TFAP2B: variants seen among roughly 807,000 people sequenced by gnomAD.
The protein encoded by TFAP2B is transcription factor AP-2-beta.
TFAP2B carries 9 observed loss-of-function variants against 44.3 expected under a neutral mutation model. That is an observed-to-expected ratio of 0.20 (90% CI 0.12 to 0.35). TFAP2B has a LOEUF of 0.35. Ranked by LOEUF, TFAP2B falls within the 10% of genes least tolerant of loss-of-function variation. The pLI is 1.00. For synonymous variants in TFAP2B, 270 were observed against 263.8 expected, an observed-to-expected ratio of 1.02 and a Z score of -0.23; for missense variants, 509 against 600.0, an observed-to-expected ratio of 0.85 and a Z score of 1.59.
chr6:50,835,025 G>C (rs1206526581), intron 3 of TFAP2B, among the ~76,000 whole-genome samples: 4 of 152,214 alleles, frequency 2.6e-5, no homozygotes, highest in African/African-American at 9.6e-5. Flanking sequence ...CAGCCTTCTG[G>C]TTCCACTGAG....
chr6:50,832,291 A>G (rs1224988862), intron 3 of TFAP2B, among the ~76,000 whole-genome samples: 1 of 152,164 alleles, frequency 6.6e-6, no homozygotes, highest in Non-Finnish European at 1.5e-5. Context: ...GAGACAATAA[A>G]TGACTTTCTC....
chr6:50,838,971 T>C (rs1023199926), intron 5 of TFAP2B, among the ~76,000 whole-genome samples: 4 of 152,192 alleles, frequency 2.6e-5, no homozygotes, highest in African/African-American at 9.7e-5. Context: ...GATGGAATAT[T>C]AAAATATTTA....
In TFAP2B at chr6:50,840,221, G is replaced by C. The variant is rs139339332; in HGVS notation, c.1006G>C (p.Val336Leu). Residue 336 changes from valine (V) to leucine (L), a missense_variant, in exon 6 of 7, where the codon GTC becomes CTC. By Grantham distance (32) the Val-to-Leu change is conservative. Transcript: ENST00000393655. ...ICETEFPAKA[V>L]SEYLNRQHTD... Reference sequence around the variant, plus strand: ...CGAAACGGAGTTTCCCGCCAAAGCCGTCTCTGAGTATTTGAACCGGCAGCA... The same window carrying C: ...CGAAACGGAGTTTCCCGCCAAAGCCCTCTCTGAGTATTTGAACCGGCAGCA... The C allele has an allele frequency of 4.3e-6, 7 of 1,614,146 alleles. No homozygotes were observed. In the South Asian group the frequency reaches 4.4e-5, roughly 10 times the overall value.
intron 2 of TFAP2B, among the ~76,000 whole-genome samples, chr6:50,826,586 CGT>C (rs61118072): frequency 1.4e-3 from 214 of 149,572 alleles, no homozygotes; most frequent in South Asian, 3.0e-3. Context: ...CGCGCGCGCG[CGT>C]GTGTGTGTGT....
At chr6:50,837,417 C>T (rs1762644298) in intron 4 of TFAP2B, among the ~76,000 whole-genome samples, 1 of 152,172 alleles carries the variant, frequency 6.6e-6, no homozygotes, top group Admixed American at 6.5e-5. Flanking sequence ...AAGTGCTTAT[C>T]ACATAACTAC....
At chr6:50,826,344 C>T (rs1770502595) in intron 2 of TFAP2B, among the ~76,000 whole-genome samples, 2 of 152,128 alleles carry the variant, frequency 1.3e-5, no homozygotes, top group Admixed American at 6.5e-5. Flanking sequence ...GCCTATGGGT[C>T]GAGGGTTTTG....
intron 3 of TFAP2B, among the ~76,000 whole-genome samples, chr6:50,835,226 A>G (rs1197443164): frequency 1.3e-5 from 2 of 152,248 alleles, no homozygotes; most frequent in East Asian, 3.8e-4. Context: ...GCAAGGCAAG[A>G]CCGCCGCTCA....
intron 4 of TFAP2B, among the ~76,000 whole-genome samples, chr6:50,837,126 C>G (rs1446944370): frequency 6.6e-6 from 1 of 152,150 alleles, no homozygotes; most frequent in East Asian, 1.9e-4. Context: ...CTTTTCTTTC[C>G]TAAAAGTGAC....
chr6:50,826,953 T>C (rs1770526225), intron 2 of TFAP2B, among the ~76,000 whole-genome samples: 1 of 152,214 alleles, frequency 6.6e-6, no homozygotes, highest in African/African-American at 2.4e-5. Context: ...CGATCCTCCC[T>C]GTGACGATTA....
chr6:50,843,038 C>T (rs1239168041), intron 6 of TFAP2B, 54 bp from the exon 7 acceptor site: 1 of 1,610,266 alleles, frequency 6.2e-7, no homozygotes, highest in Non-Finnish European at 8.5e-7. Flanking sequence ...CTTTCTAATG[C>T]CAATGACAAC....
intron 6 of TFAP2B, among the ~76,000 whole-genome samples, chr6:50,841,638 C>CT (rs1269195500): frequency 2.6e-5 from 4 of 152,090 alleles, no homozygotes; most frequent in African/African-American, 9.7e-5. Flanking sequence ...AGCTGGTGAG[C>CT]TTTTTCAAGA....
chr6:50,830,191 T>C (rs982695000), intron 3 of TFAP2B: 2 of 540,150 alleles, frequency 3.7e-6, no homozygotes, highest in Non-Finnish European at 4.7e-6. Flanking sequence ...TCCCTTTTCA[T>C]GGAAAGCTAG....
chr6:50,823,951 T>A, intron 2 of TFAP2B, 86 bp downstream of exon 2: 1 of 1,405,864 alleles, frequency 7.1e-7, no homozygotes, highest in South Asian at 1.2e-5. Context: ...AGAGGGCAGC[T>A]CTGTCTCTTT....
At chr6:50,831,467 G>A (rs940222584) in intron 3 of TFAP2B, among the ~76,000 whole-genome samples, 4 of 152,150 alleles carry the variant, frequency 2.6e-5, no homozygotes, top group East Asian at 1.9e-4. Flanking sequence ...TGGGCGGGGG[G>A]AGTAATGAAA....
In TFAP2B at chr6:50,844,865, G is replaced by T. The variant is rs990153551; in HGVS notation, c.*1473G>T. The stretch of plus-strand genomic sequence containing the variant: ...TTCTTACAAGATGCTTTATGAATGA[G>T]GCATTTTTCCCTCCCAGACGTGCAC... On this transcript the variant is annotated 3_prime_UTR_variant, in exon 7 of 7. Coordinates refer to ENST00000393655, the MANE Select transcript of TFAP2B (RefSeq NM_003221.4). 2.4e-4 allele frequency: 36 copies of T among 152,154 alleles called. No homozygotes were observed. The highest frequency in any genetic ancestry group is 8.7e-4 in the African/African-American group (36 of 41,444). 9.4% of individuals were successfully genotyped at this position (152,154 alleles called of 1,614,324 possible). A position where few individuals can be genotyped will look rare whatever the true frequency, so the allele number is the denominator to read the frequency against.
At chr6:50,832,567 GCTAA>G (rs1312855829) in intron 3 of TFAP2B, among the ~76,000 whole-genome samples, 2 of 152,164 alleles carry the variant, frequency 1.3e-5, no homozygotes, top group Non-Finnish European at 2.9e-5. Flanking sequence ...GAAAAAGAGT[GCTAA>G]CTTTTAGGGG....
chr6:50,845,338 A>T lies in TFAP2B; in HGVS notation c.*1946A>T, dbSNP rs1269625190. 3.3e-5 allele frequency: 5 copies of T among 151,732 alleles called. No individual in the cohort carries two copies. Among genetic ancestry groups the T allele is most frequent in the Non-Finnish European group, 7.4e-5 (5 of 67,970 alleles). 9.4% of individuals were successfully genotyped at this position (151,732 alleles called of 1,614,324 possible). ...GGGGGTGGGGATTGGGGGAGTGGGG[A>T]TTGCGTTGGGGTTTTAGGAATCTGC... is the stretch of plus-strand genomic sequence containing the variant. On this transcript the variant is annotated 3_prime_UTR_variant, in exon 7 of 7. Coordinates refer to ENST00000393655, the MANE Select transcript of TFAP2B (RefSeq NM_003221.4).
At chr6:50,823,980 T>C in intron 2 of TFAP2B, 115 bp downstream of exon 2, 1 of 1,152,186 alleles carries the variant, frequency 8.7e-7, no homozygotes, top group Non-Finnish European at 1.3e-6. Flanking sequence ...TTTGTTCCCA[T>C]GTTTAGAACA....
chr6:50,842,233 C>T (rs1361231921), intron 6 of TFAP2B, among the ~76,000 whole-genome samples: 1 of 152,230 alleles, frequency 6.6e-6, no homozygotes, highest in Non-Finnish European at 1.5e-5. Flanking sequence ...AGGGCTAGAA[C>T]CATCCCATCC....
Sources: gnomAD v4.1 joint callset for allele counts (sites outside exome capture counted in the v4.1 genomes callset) on GRCh38, gnomAD v4.1.1 for gene constraint, MANE v1.5 for transcripts, NCBI Gene and HGNC (gene_info 2026-07-23, HGNC 2026-07-21) for gene names.